PSAT1: variants seen among roughly 807,000 people sequenced by gnomAD.
The protein encoded by PSAT1 is phosphoserine aminotransferase 1.
A neutral mutation model predicts 40.3 loss-of-function variants in PSAT1; 41 were observed. That is an observed-to-expected ratio of 1.02 (90% CI 0.79 to 1.32). The LOEUF is 1.32. PSAT1 is among the 40% of genes most tolerant of loss of function. PSAT1 has a pLI of 0.00. For missense variants in PSAT1, 406 were observed against 455.8 expected (o/e 0.89, Z 0.99); for synonymous variants, 147 against 170.5 (o/e 0.86, Z 1.07).
intron 6 of PSAT1, 141 bp downstream of exon 6, chr9:78,308,724 G>A: frequency 1.0e-6 from 1 of 971,508 alleles, no homozygotes; most frequent in Non-Finnish European, 1.5e-6. Flanking sequence ...GGGAGGCTGA[G>A]GTGGATGGAC....
chr9:78,317,652 A>T (rs746946448), intron 6 of PSAT1, 24 bp from the exon 7 acceptor site: 1 of 1,613,612 alleles, frequency 6.2e-7, no homozygotes, highest in Non-Finnish European at 8.5e-7. Flanking sequence ...AGCTAAACGG[A>T]TTTTTTAAAA....
chr9:78,325,475 A>G (rs563979052), intron 7 of PSAT1, among the ~76,000 whole-genome samples: 16 of 152,238 alleles, frequency 1.1e-4, no homozygotes, highest in Non-Finnish European at 2.2e-4. Flanking sequence ...GCTCCAGTTA[A>G]GTCAGCAGAC....
chr9:78,304,021 G>C (rs1587634552), intron 3 of PSAT1, among the ~76,000 whole-genome samples: 1 of 151,978 alleles, frequency 6.6e-6, no homozygotes, highest in Admixed American at 6.6e-5. Flanking sequence ...TGATTTCATG[G>C]GTAGGCCTAA....
intron 7 of PSAT1, among the ~76,000 whole-genome samples, chr9:78,323,936 T>G (rs1032032893): frequency 1.3e-5 from 2 of 152,196 alleles, no homozygotes; most frequent in African/African-American, 2.4e-5. Flanking sequence ...GGGGCCTGAC[T>G]GTGGAGTGAT....
chr9:78,327,983 CTG>C, intron 7 of PSAT1, 66 bp from the exon 8 acceptor site: 4 of 1,540,472 alleles, frequency 2.6e-6, no homozygotes, highest in Non-Finnish European at 3.6e-6. Context: ...AAAAAAAAAT[CTG>C]TTGATTTGTT....
chr9:78,325,898 G>A (rs892461115), intron 7 of PSAT1, among the ~76,000 whole-genome samples: 6 of 152,070 alleles, frequency 3.9e-5, no homozygotes, highest in South Asian at 2.1e-4. Flanking sequence ...CTGTAAATAC[G>A]GATGCTTAAT....
At chr9:78,310,790 T>A (rs956952778) in intron 6 of PSAT1, among the ~76,000 whole-genome samples, 7 of 152,234 alleles carry the variant, frequency 4.6e-5, no homozygotes, top group Non-Finnish European at 1.0e-4. Context: ...GTATTTTTAG[T>A]AGAGACGGGG....
At chr9:78,322,505 C>A (rs750860366) in intron 7 of PSAT1, among the ~76,000 whole-genome samples, 7 of 152,098 alleles carry the variant, frequency 4.6e-5, no homozygotes, top group African/African-American at 1.7e-4. Context: ...AGGCCTTAAA[C>A]ATACAACTCA....
At chr9:78,305,811 T>C (rs936781853) in intron 4 of PSAT1, among the ~76,000 whole-genome samples, 1 of 152,190 alleles carries the variant, frequency 6.6e-6, no homozygotes, top group Admixed American at 6.5e-5. Flanking sequence ...TACTAGTCCA[T>C]CAATGGATGT....
intron 6 of PSAT1, among the ~76,000 whole-genome samples, chr9:78,312,795 C>T (rs755828624): frequency 1.3e-5 from 2 of 152,212 alleles, no homozygotes; most frequent in Non-Finnish European, 2.9e-5. Context: ...ACTACCTTCT[C>T]CCAGTGGGAT....
chr9:78,326,553 TA>T (rs1017306215), intron 7 of PSAT1, among the ~76,000 whole-genome samples: 4 of 152,204 alleles, frequency 2.6e-5, no homozygotes, highest in African/African-American at 9.6e-5. Context: ...ACCTACTATG[TA>T]CCCAGAAAAA....
intron 6 of PSAT1, among the ~76,000 whole-genome samples, chr9:78,314,680 C>T (rs1337818031): frequency 6.6e-6 from 1 of 152,166 alleles, no homozygotes; most frequent in East Asian, 1.9e-4. Context: ...GCTGGCCTTG[C>T]CTCCTCAGAT....
chr9:78,308,648 G>A (rs371229568), intron 6 of PSAT1, 65 bp downstream of exon 6: 1 of 1,579,716 alleles, frequency 6.3e-7, no homozygotes, highest in South Asian at 1.1e-5. Context: ...CAAAGCGGAG[G>A]TTACATTTTA....
In PSAT1 at chr9:78,300,506, A is replaced by G; in HGVS notation, c.61-96A>G. ...GATGGAAGCCTGGGGACCTCACTGTAGACCCTTCCTTGTCCCCTCGTCAGG... is the reference window on the plus strand; with the variant it reads ...GATGGAAGCCTGGGGACCTCACTGTGGACCCTTCCTTGTCCCCTCGTCAGG... On this transcript the variant is annotated intron_variant, in intron 1 of 8. Coordinates refer to ENST00000376588, the MANE Select transcript of PSAT1 (RefSeq NM_058179.4). 3 of 1,478,368 alleles carry G rather than the reference A, an allele frequency of 2.0e-6. No individual in the cohort carries two copies. The East Asian group carries it at 7.6e-5, about 37-fold the overall frequency. The allele number at this position is 1,478,368 out of a possible 1,614,324, so 91.6% of individuals were successfully genotyped here. A position where few individuals can be genotyped will look rare whatever the true frequency, so the allele number is the denominator to read the frequency against.
At chr9:78,328,294 T>G (rs1476934437) in intron 8 of PSAT1, 106 bp downstream of exon 8, 1 of 1,425,038 alleles carries the variant, frequency 7.0e-7, no homozygotes, top group African/African-American at 1.4e-5. Context: ...GTAGCAGTTA[T>G]GTAATTTGTT....
chr9:78,299,977 T>C (rs1828084473), intron 1 of PSAT1, among the ~76,000 whole-genome samples: 1 of 152,230 alleles, frequency 6.6e-6, no homozygotes, highest in Non-Finnish European at 1.5e-5. Flanking sequence ...TTATTTTGTG[T>C]TCATTTTTAA....
Position 78,329,137 on chromosome 9 carries a change from A to G in PSAT1, c.*51A>G, listed in dbSNP as rs1356601342. 7.5e-7 allele frequency: 1 copy of G among 1,339,896 alleles called. No homozygotes were observed. The highest frequency in any genetic ancestry group is 1.1e-6 in the Non-Finnish European group (1 of 932,370). 83.0% of individuals were successfully genotyped at this position (1,339,896 alleles called of 1,614,324 possible). ...GTTCTTGAACAACATACAAAGTTTA[A>G]AGTAACTTGGGGATGGCTACAAAAA... On this transcript the variant is annotated 3_prime_UTR_variant, in exon 9 of 9. Transcript: ENST00000376588.
intron 7 of PSAT1, among the ~76,000 whole-genome samples, chr9:78,326,955 A>ATATATATATTTTTTTTTT: frequency 2.6e-5 from 2 of 75,966 alleles, no homozygotes; most frequent in African/African-American, 1.9e-4. Flanking sequence ...ATATATATAT[A>ATATATATATTTTTTTTTT]TTTTTTTTTT....
At chr9:78,319,121 G>A (rs978558384) in intron 7 of PSAT1, among the ~76,000 whole-genome samples, 3 of 152,166 alleles carry the variant, frequency 2.0e-5, no homozygotes, top group Admixed American at 2.0e-4. Flanking sequence ...ATGGTAAGTT[G>A]GAAATTTGCC....
Sources: allele counts gnomAD v4.1 joint callset (sites outside exome capture counted in the v4.1 genomes callset), GRCh38; gene constraint gnomAD v4.1.1; transcripts MANE v1.5; gene names NCBI Gene and HGNC (gene_info 2026-07-23, HGNC 2026-07-21).